CAST: variants seen among roughly 807,000 people sequenced by gnomAD.
The protein encoded by CAST is calpastatin.
In CAST, 76 loss-of-function variants were observed where a neutral mutation model predicts 119.6. The ratio of observed to expected loss-of-function variants is 0.64; its 90% CI spans 0.53 to 0.77. The LOEUF (loss-of-function observed/expected upper bound fraction) is 0.77, where lower values mean the gene tolerates loss of function less well. Among genes scored for constraint, CAST ranks in the 30% least tolerant of loss-of-function variants. The pLI is 0.00. For missense variants in CAST, 953 were observed against 946.5 expected (o/e 1.01, Z -0.09); for synonymous variants, 319 against 331.6 (o/e 0.96, Z 0.41).
the CAST span, among the ~76,000 whole-genome samples, chr5:96,407,322 A>G: frequency 6.6e-6 from 1 of 152,250 alleles, no homozygotes; most frequent in Admixed American, 6.5e-5. Context: ...GCAACCCCAG[A>G]AGACAAAGAG....
At chr5:95,964,197 T>A in the CAST span, among the ~76,000 whole-genome samples, 1 of 152,224 alleles carries the variant, frequency 6.6e-6, no homozygotes, top group Non-Finnish European at 1.5e-5. Context: ...TGTCTTTTCA[T>A]TGATGTCTCA....
At chr5:96,106,352 G>A in the CAST span, among the ~76,000 whole-genome samples, 1 of 151,930 alleles carries the variant, frequency 6.6e-6, no homozygotes, top group South Asian at 2.1e-4. Context: ...TTTCTCTTGT[G>A]GGCATTTAGT....
the CAST span, among the ~76,000 whole-genome samples, chr5:96,440,627 C>T: frequency 2.0e-5 from 3 of 152,124 alleles, no homozygotes; most frequent in Admixed American, 6.5e-5. Context: ...TAAGGCTACT[C>T]AAGTTCTTCT....
chr5:95,975,085 A>C, the CAST span, among the ~76,000 whole-genome samples: 1 of 152,176 alleles, frequency 6.6e-6, no homozygotes, highest in Non-Finnish European at 1.5e-5. Flanking sequence ...TATTACCAGC[A>C]GCCTTCACAG....
chr5:96,151,874 C>T, the CAST span, among the ~76,000 whole-genome samples: 1 of 152,182 alleles, frequency 6.6e-6, no homozygotes, highest in Admixed American at 6.5e-5. Context: ...TGTCTAAAGG[C>T]TATAAAGAGC....
rs753605974 is a variant in CAST, at chr5:96,534,821, AAAAG to A, written c.60+4948_60+4951del. Reference sequence around the variant, plus strand: ...AGAAAGAAGAAAGAAAGAAAGAAAGAAAAGAAAGAAGGAAAGAAGGAAGGAAGGA... The same window carrying A: ...AGAAAGAAGAAAGAAAGAAAGAAAGAAAAGAAGGAAAGAAGGAAGGAAGGA... On this transcript the variant is annotated intron_variant, in intron 1 of 11. Transcript: ENST00000505143. Among the ~76,000 whole-genome samples the A allele has an allele frequency of 2.1e-3, 294 of 143,394 alleles. 4 individuals are homozygous for A. The highest frequency in any genetic ancestry group is 7.2e-3 in the African/African-American group (283 of 39,370). The allele number at this position is 143,394 out of a possible 152,430, so 94.1% of individuals were successfully genotyped here.
chr5:96,499,303 G>T, the CAST span, among the ~76,000 whole-genome samples: 2 of 152,234 alleles, frequency 1.3e-5, no homozygotes, highest in East Asian at 3.9e-4. Context: ...CCAGACCACT[G>T]CAATAAACAA....
chr5:96,268,740 T>C, the CAST span, among the ~76,000 whole-genome samples: 1 of 152,156 alleles, frequency 6.6e-6, no homozygotes, highest in African/African-American at 2.4e-5. Flanking sequence ...TGAAAAAATA[T>C]ATTCCATGAA....
At chr5:96,161,117 G>T in the CAST span, among the ~76,000 whole-genome samples, 1 of 151,972 alleles carries the variant, frequency 6.6e-6, no homozygotes, top group African/African-American at 2.4e-5. Flanking sequence ...AATTTGTGAA[G>T]ACCAATTTAT....
the CAST span, among the ~76,000 whole-genome samples, chr5:96,253,369 G>C: frequency 2.0e-5 from 3 of 152,056 alleles, no homozygotes; most frequent in Non-Finnish European, 2.9e-5. Flanking sequence ...TGCAAAATAG[G>C]CTATTCCAAA....
chr5:96,274,738 C>T, the CAST span, among the ~76,000 whole-genome samples: 1 of 152,180 alleles, frequency 6.6e-6, no homozygotes, highest in Non-Finnish European at 1.5e-5. Context: ...TTGGTCAAAC[C>T]GCTAGGCTCC....
the CAST span, among the ~76,000 whole-genome samples, chr5:96,009,250 T>C: frequency 2.0e-5 from 3 of 152,174 alleles, no homozygotes; most frequent in Non-Finnish European, 2.9e-5. Flanking sequence ...TTTGCTATTG[T>C]GAATAGCATG....
At chr5:96,558,204 C>A (rs1476770953) in intron 1 of CAST, among the ~76,000 whole-genome samples, 2 of 152,046 alleles carry the variant, frequency 1.3e-5, no homozygotes, top group Non-Finnish European at 2.9e-5. Flanking sequence ...ACATTCAAAG[C>A]AATGTGTAGA....
At chr5:96,445,604 G>A in the CAST span, among the ~76,000 whole-genome samples, 1 of 151,986 alleles carries the variant, frequency 6.6e-6, no homozygotes, top group Admixed American at 6.6e-5. Context: ...TCTTCTCCCA[G>A]TGTTCCACTC....
At chr5:96,032,554 G>A in the CAST span, among the ~76,000 whole-genome samples, 6 of 152,044 alleles carry the variant, frequency 3.9e-5, no homozygotes, top group Non-Finnish European at 7.4e-5. Flanking sequence ...CAGGCATACA[G>A]GAGCTAAAAA....
chr5:96,636,342 G>T (rs1270906937), intron 1 of CAST, among the ~76,000 whole-genome samples: 1 of 152,086 alleles, frequency 6.6e-6, no homozygotes, highest in Non-Finnish European at 1.5e-5. Flanking sequence ...GGAAAAATTT[G>T]GTATTCACAA....
rs114580219 is a variant in CAST at position 96,624,248 on chromosome 5, A to G, written c.61-51291A>G. Among the ~76,000 whole-genome samples, 492 of 152,324 alleles carry G rather than the reference A, an allele frequency of 3.2e-3. 1 individual carries two copies. The highest frequency in any genetic ancestry group is 6.8e-3 in the Middle Eastern group (2 of 294). ...GGTTTGCTTTTGGTTTTGTCTACGC[A>G]CACCTCACTATGGGAAAGAAGCAAC... On this transcript the variant is annotated intron_variant, in intron 1 of 11. Transcript: ENST00000505143.
At chr5:96,415,374 A>G in the CAST span, among the ~76,000 whole-genome samples, 1 of 151,850 alleles carries the variant, frequency 6.6e-6, no homozygotes, top group Admixed American at 6.6e-5. Flanking sequence ...TTCCCTCTCT[A>G]TTTTCTGCTG....
chr5:96,640,865 T>A (rs1312774651), intron 1 of CAST, among the ~76,000 whole-genome samples: 1 of 152,136 alleles, frequency 6.6e-6, no homozygotes, highest in Admixed American at 6.5e-5. Context: ...GCAGATGAGG[T>A]CTTTCTTCTG....
Sources: gnomAD v4.1 joint callset for allele counts (sites outside exome capture counted in the v4.1 genomes callset) on GRCh38, gnomAD v4.1.1 for gene constraint, MANE v1.5 for transcripts, NCBI Gene and HGNC (gene_info 2026-07-23, HGNC 2026-07-21) for gene names.